The following CDC42BPA variants were observed in gnomAD, a reference collection of about 807,000 sequenced individuals.
CDC42BPA encodes serine/threonine-protein kinase MRCK alpha.
A neutral mutation model predicts 223.5 loss-of-function variants in CDC42BPA; 80 were observed. The observed-to-expected ratio is 0.36, with a 90% CI of 0.30 to 0.43. CDC42BPA has a LOEUF of 0.43. Among genes scored for constraint, CDC42BPA ranks in the 20% least tolerant of loss-of-function variants. The pLI is 1.00. For synonymous variants in CDC42BPA, 694 were observed against 718.6 expected (o/e 0.97, Z 0.55); for missense variants, 1,743 against 2,099.9 (o/e 0.83, Z 3.32).
chr1:227,309,014 G>A (rs1425823980), intron 1 of CDC42BPA, among the ~76,000 whole-genome samples: 1 of 152,028 alleles, frequency 6.6e-6, no homozygotes, highest in Non-Finnish European at 1.5e-5. Context: ...TAGATCAGGA[G>A]TGGGAAGAAT....
chr1:227,019,839 G>A (rs1330136119), intron 32 of CDC42BPA, among the ~76,000 whole-genome samples: 1 of 151,996 alleles, frequency 6.6e-6, no homozygotes, highest in African/African-American at 2.4e-5. Flanking sequence ...AAACAGATGT[G>A]TTGCCATCCA....
intron 21 of CDC42BPA, among the ~76,000 whole-genome samples, chr1:227,065,117 TAAATA>T (rs1486724626): frequency 2.0e-5 from 3 of 151,668 alleles, no homozygotes; most frequent in African/African-American, 7.3e-5. Context: ...AATAAATAAA[TAAATA>T]AATTAACTCA....
chr1:227,002,143 A>G (rs1321126580), intron 35 of CDC42BPA, among the ~76,000 whole-genome samples: 3 of 152,220 alleles, frequency 2.0e-5, no homozygotes, highest in Non-Finnish European at 2.9e-5. Context: ...ATAACATAAT[A>G]TATGGTAGAT....
At chr1:227,136,929 C>T (rs1342996819) in intron 10 of CDC42BPA, among the ~76,000 whole-genome samples, 1 of 151,728 alleles carries the variant, frequency 6.6e-6, no homozygotes, top group African/African-American at 2.4e-5. Context: ...AAAATGATTC[C>T]AGATAGAAAC....
At chr1:227,026,552 T>C (rs993147875) in intron 30 of CDC42BPA, among the ~76,000 whole-genome samples, 3 of 152,212 alleles carry the variant, frequency 2.0e-5, no homozygotes, top group Non-Finnish European at 4.4e-5. Context: ...GTTAAGAATG[T>C]ATAATAAAGC....
chr1:227,257,618 T>C (rs1411556909), intron 1 of CDC42BPA, among the ~76,000 whole-genome samples: 1 of 150,282 alleles, frequency 6.7e-6, no homozygotes, highest in Non-Finnish European at 1.5e-5. Flanking sequence ...GGCATGGTAG[T>C]AAATGGGCGC....
In CDC42BPA at chr1:227,004,792, C is replaced by T. The variant is rs1044981724; in HGVS notation, c.4975+202G>A. The T allele has an allele frequency of 2.2e-5, 15 of 691,896 alleles. No homozygotes were observed. The African/African-American group carries it at 2.4e-4, about 11-fold the overall frequency. The allele number at this position is 691,896 out of a possible 1,614,324, so 42.9% of individuals were successfully genotyped here. A position where few individuals can be genotyped will look rare whatever the true frequency, so the allele number is the denominator to read the frequency against. ...GTCTGTCTCCCAGATGGCCTGTACA[C>T]TCTAGAAGGACTCTGGGACTATTTT... On this transcript the variant is annotated intron_variant, in intron 35 of 36. Coordinates refer to ENST00000366766, the MANE Select transcript of CDC42BPA (RefSeq NM_001394014.1).
intron 2 of CDC42BPA, among the ~76,000 whole-genome samples, chr1:227,230,034 G>A (rs1456983810): frequency 6.6e-6 from 1 of 152,170 alleles, no homozygotes; most frequent in Non-Finnish European, 1.5e-5. Context: ...AAGGTGATAG[G>A]CCTTCAAGGA....
intron 10 of CDC42BPA, among the ~76,000 whole-genome samples, chr1:227,132,126 C>T (rs1657238157): frequency 6.6e-6 from 1 of 152,070 alleles, no homozygotes; most frequent in South Asian, 2.1e-4. Context: ...CCCTCTCCCT[C>T]TCCCTCTCCC....
chr1:226,998,826 A>G (rs1335592440), intron 35 of CDC42BPA, among the ~76,000 whole-genome samples: 1 of 152,246 alleles, frequency 6.6e-6, no homozygotes, highest in Non-Finnish European at 1.5e-5. Flanking sequence ...GCTTCTGCAC[A>G]GCAAAAGAAA....
intron 23 of CDC42BPA, among the ~76,000 whole-genome samples, chr1:227,046,150 T>A (rs1288729535): frequency 6.6e-6 from 1 of 152,098 alleles, no homozygotes; most frequent in Admixed American, 6.5e-5. Flanking sequence ...CTACTGACTG[T>A]TGGGAATCTT....
chr1:227,032,831 C>T, intron 27 of CDC42BPA, among the ~76,000 whole-genome samples: 1 of 152,130 alleles, frequency 6.6e-6, no homozygotes, highest in Admixed American at 6.5e-5. Context: ...ATGTTCTGGT[C>T]CCAAATGAGC....
intron 8 of CDC42BPA, among the ~76,000 whole-genome samples, chr1:227,144,152 G>T (rs6426568): frequency 0.93 from 141,697 of 152,236 alleles, 66,136 homozygotes; most frequent in South Asian, 0.98. Context: ...AACGTGTACC[G>T]ATTATGTACC....
At chr1:227,042,297 G>GAGATATATATATATATAC (rs922408596) in intron 23 of CDC42BPA, among the ~76,000 whole-genome samples, 1 of 147,608 alleles carries the variant, frequency 6.8e-6, no homozygotes, top group African/African-American at 2.6e-5. Context: ...ATACATATAT[G>GAGATATATATATATATAC]ATATATATAT....
intron 5 of CDC42BPA, among the ~76,000 whole-genome samples, chr1:227,161,757 T>G (rs1243526214): frequency 7.2e-5 from 11 of 152,144 alleles, no homozygotes; most frequent in Admixed American, 7.2e-4. Context: ...GCAAAGTGAG[T>G]AGCTGTGACA....
At chr1:227,004,738 C>T in intron 35 of CDC42BPA, 1 of 540,998 alleles carries the variant, frequency 1.8e-6, no homozygotes, top group South Asian at 2.0e-5. Flanking sequence ...CCTTCAGAGC[C>T]TTTATCATCA....
At chr1:227,095,010 T>C (rs1683734350) in intron 15 of CDC42BPA, among the ~76,000 whole-genome samples, 1 of 152,214 alleles carries the variant, frequency 6.6e-6, no homozygotes, top group African/African-American at 2.4e-5. Context: ...CAGATGACAG[T>C]CTGCAAATGA....
At chr1:227,270,677 T>C (rs1685813215) in intron 1 of CDC42BPA, among the ~76,000 whole-genome samples, 1 of 152,194 alleles carries the variant, frequency 6.6e-6, no homozygotes, top group African/African-American at 2.4e-5. Flanking sequence ...AGGATCACTA[T>C]TTCTACAATT....
intron 2 of CDC42BPA, among the ~76,000 whole-genome samples, chr1:227,253,259 CGAGA>C (rs150466644): frequency 3.4e-5 from 4 of 116,544 alleles, no homozygotes; most frequent in Non-Finnish European, 7.5e-5. Flanking sequence ...AGAGAGAGAG[CGAGA>C]GAGAGCGCGC....
Sources: allele counts gnomAD v4.1 joint callset (sites outside exome capture counted in the v4.1 genomes callset), GRCh38; gene constraint gnomAD v4.1.1; transcripts MANE v1.5; gene names NCBI Gene and HGNC (gene_info 2026-07-23, HGNC 2026-07-21).